Variants in DPYD observed in about 807,000 individuals in gnomAD.
The protein encoded by DPYD is dihydropyrimidine dehydrogenase, also known as dihydropyrimidine dehydrogenase [NADP(+)].
Under a neutral mutation model 116.2 loss-of-function variants are expected in DPYD, and 109 were observed. That is an observed-to-expected ratio of 0.94 (90% confidence interval 0.80 to 1.10). The LOEUF (loss-of-function observed/expected upper bound fraction) is 1.10. DPYD is among the 50% of genes least tolerant of loss of function. The probability of loss-of-function intolerance (pLI) is 0.00; values close to 1 mark genes in which losing one functional copy is unlikely to be tolerated. For synonymous variants in DPYD, 440 were observed against 432.0 expected (o/e 1.02, Z -0.23); for missense variants, 1,302 against 1,254.5 (o/e 1.04, Z -0.57).
chr1:97,588,061 T>C (rs1215135552), intron 10 of DPYD, among the ~76,000 whole-genome samples: 1 of 152,084 alleles, frequency 6.6e-6, no homozygotes, highest in Non-Finnish European at 1.5e-5. Flanking sequence ...TAGTACCAGA[T>C]GAAGAAAAAT....
intron 21 of DPYD, among the ~76,000 whole-genome samples, chr1:97,090,370 G>A (rs1475100131): frequency 6.6e-6 from 1 of 152,114 alleles, no homozygotes; most frequent in Non-Finnish European, 1.5e-5. Context: ...GTGACCTTAG[G>A]AAAGTTATTT....
chr1:97,116,836 A>G (rs1652001966), intron 20 of DPYD, among the ~76,000 whole-genome samples: 3 of 151,994 alleles, frequency 2.0e-5, no homozygotes, highest in Admixed American at 6.6e-5. Flanking sequence ...TTGTCTTTAG[A>G]TATCTACCTC....
chr1:97,391,048 CTTTT>C (rs571016808), intron 14 of DPYD, among the ~76,000 whole-genome samples: 1 of 132,462 alleles, frequency 7.5e-6, no homozygotes, highest in Non-Finnish European at 1.6e-5. Flanking sequence ...TACTTTTCCT[CTTTT>C]TTTTTTTTTT....
chr1:97,911,157 A>G (rs1026679511), intron 1 of DPYD, among the ~76,000 whole-genome samples: 2 of 152,096 alleles, frequency 1.3e-5, no homozygotes, highest in Admixed American at 6.6e-5. Flanking sequence ...AATTAGTAGT[A>G]CTATGTAGAC....
intron 4 of DPYD, among the ~76,000 whole-genome samples, chr1:97,736,923 T>C (rs1404295222): frequency 6.6e-6 from 1 of 151,418 alleles, no homozygotes; most frequent in Non-Finnish European, 1.5e-5. Context: ...ATAGCATATG[T>C]ACACCAATTA....
intron 3 of DPYD, among the ~76,000 whole-genome samples, chr1:97,805,794 G>A (rs1185210308): frequency 6.6e-6 from 1 of 151,726 alleles, no homozygotes; most frequent in Non-Finnish European, 1.5e-5. Context: ...AGGCGGAGGG[G>A]TGTTATAATT....
At chr1:97,166,662 C>T (rs1209960332) in intron 20 of DPYD, among the ~76,000 whole-genome samples, 1 of 152,160 alleles carries the variant, frequency 6.6e-6, no homozygotes, top group African/African-American at 2.4e-5. Flanking sequence ...TTCCTTAAGA[C>T]AACTAATGGT....
chr1:97,147,369 C>G (rs562668158), intron 20 of DPYD, among the ~76,000 whole-genome samples: 7 of 151,914 alleles, frequency 4.6e-5, no homozygotes, highest in African/African-American at 1.7e-4. Flanking sequence ...AACAAACAAA[C>G]GAACAAACAA....
chr1:97,798,049 T>C (rs977844019), intron 3 of DPYD: 12 of 152,088 alleles, frequency 7.9e-5, no homozygotes, highest in African/African-American at 2.9e-4. Context: ...AAAAGTTTAT[T>C]GGATCTTAGT....
At chr1:97,581,241 G>C (rs1268407272) in intron 10 of DPYD, among the ~76,000 whole-genome samples, 2 of 148,064 alleles carry the variant, frequency 1.4e-5, no homozygotes, top group African/African-American at 5.0e-5. Flanking sequence ...GCAGGAGAAT[G>C]GCATGAACCC....
chr1:97,249,750 A>G (rs1012848235), intron 18 of DPYD, among the ~76,000 whole-genome samples: 1 of 152,228 alleles, frequency 6.6e-6, no homozygotes, highest in Admixed American at 6.5e-5. Context: ...AACAGTTAAA[A>G]GATTACAATA....
chr1:97,705,109 A>G (rs1275403822), intron 5 of DPYD, among the ~76,000 whole-genome samples: 2 of 151,598 alleles, frequency 1.3e-5, no homozygotes, highest in Non-Finnish European at 2.9e-5. Flanking sequence ...TCTTAAGGCT[A>G]CTTGACTCCA....
chr1:97,280,019 A>T (rs1367380574), intron 18 of DPYD: 1 of 152,178 alleles, frequency 6.6e-6, no homozygotes, highest in African/African-American at 2.4e-5. Context: ...ATCCCCAGAG[A>T]AAAGACCTGA....
intron 21 of DPYD, among the ~76,000 whole-genome samples, chr1:97,091,797 G>A (rs1437809485): frequency 6.6e-6 from 1 of 152,162 alleles, no homozygotes; most frequent in East Asian, 1.9e-4. Context: ...TGCCTGGACT[G>A]TTACAATAGC....
intron 18 of DPYD, among the ~76,000 whole-genome samples, chr1:97,302,891 G>A (rs1666949233): frequency 6.6e-6 from 1 of 151,964 alleles, no homozygotes; most frequent in South Asian, 2.1e-4. Flanking sequence ...ACCAACCTTT[G>A]AAAGACATTG....
At chr1:97,656,034 C>T (rs1020840027) in intron 8 of DPYD, among the ~76,000 whole-genome samples, 9 of 152,032 alleles carry the variant, frequency 5.9e-5, no homozygotes, top group Non-Finnish European at 1.0e-4. Flanking sequence ...TTCAAAATAC[C>T]TACATTTCCT....
At chr1:97,201,759 G>A (rs538192582) in intron 19 of DPYD, among the ~76,000 whole-genome samples, 6 of 152,076 alleles carry the variant, frequency 3.9e-5, no homozygotes, top group Non-Finnish European at 7.4e-5. Context: ...AACGGACTAC[G>A]TGAAGAAATC....
At chr1:97,675,751 C>CTTT (rs771245189) in intron 8 of DPYD, among the ~76,000 whole-genome samples, 8 of 142,260 alleles carry the variant, frequency 5.6e-5, no homozygotes, top group African/African-American at 2.1e-4. Flanking sequence ...GAAAGTATCT[C>CTTT]TTTTTTTTTT....
chr1:97,540,367 CAAAACAAAACAAA>C (rs1016311809), intron 12 of DPYD, among the ~76,000 whole-genome samples: 1 of 114,686 alleles, frequency 8.7e-6, no homozygotes, highest in Non-Finnish European at 2.1e-5. Context: ...GGGAACAAAA[CAAAACAAAACAAA>C]ACAAAACAAA....
Sources: gnomAD v4.1 joint callset for allele counts (sites outside exome capture counted in the v4.1 genomes callset) on GRCh38, gnomAD v4.1.1 for gene constraint, MANE v1.5 for transcripts, NCBI Gene and HGNC (gene_info 2026-07-23, HGNC 2026-07-21) for gene names.